PDE12: variants seen among roughly 807,000 people sequenced by gnomAD.
The protein encoded by PDE12 is phosphodiesterase 12.
In PDE12, 26 loss-of-function variants were observed where a neutral mutation model predicts 45.4. The observed-to-expected ratio is 0.57, with a 90% CI of 0.42 to 0.79. The LOEUF (loss-of-function observed/expected upper bound fraction) is 0.79. Ranked by LOEUF, PDE12 falls within the 30% of genes least tolerant of loss-of-function variation. PDE12 has a pLI of 0.00. For missense variants in PDE12, 668 were observed against 790.0 expected (o/e 0.85, Z 1.85); for synonymous variants, 283 against 323.9 (o/e 0.87, Z 1.36).
the PDE12 span, among the ~76,000 whole-genome samples, chr3:57,629,091 G>T: frequency 6.6e-6 from 1 of 152,152 alleles, no homozygotes; most frequent in Admixed American, 6.5e-5. Flanking sequence ...CAGAATAATT[G>T]TCTCATATTT....
the PDE12 span, among the ~76,000 whole-genome samples, chr3:57,601,740 CTTCT>C: frequency 1.5e-5 from 2 of 136,098 alleles, no homozygotes; most frequent in Non-Finnish European, 3.1e-5. Context: ...TTTTTCTTTC[CTTCT>C]TTTTTTTTTT....
the PDE12 span, among the ~76,000 whole-genome samples, chr3:57,619,081 G>A: frequency 6.6e-6 from 1 of 152,140 alleles, no homozygotes; most frequent in Non-Finnish European, 1.5e-5. Flanking sequence ...CGGGTGCAGT[G>A]GCTCACGCCT....
chr3:57,621,205 C>A, the PDE12 span, among the ~76,000 whole-genome samples: 1 of 152,112 alleles, frequency 6.6e-6, no homozygotes. Context: ...TACAACAAAG[C>A]CAATGCAACT....
the PDE12 span, among the ~76,000 whole-genome samples, chr3:57,619,973 C>T: frequency 6.6e-6 from 1 of 152,152 alleles, no homozygotes; most frequent in Admixed American, 6.5e-5. Flanking sequence ...CCTGTAATCC[C>T]AGCACTTTGG....
the PDE12 span, among the ~76,000 whole-genome samples, chr3:57,611,677 A>G: frequency 6.6e-6 from 1 of 152,226 alleles, no homozygotes. Context: ...AATCAAAACC[A>G]CAATGAGATA....
At chr3:57,580,374 T>C in the PDE12 span, among the ~76,000 whole-genome samples, 1 of 152,274 alleles carries the variant, frequency 6.6e-6, no homozygotes, top group East Asian at 1.9e-4. Flanking sequence ...TACTCCTTTT[T>C]AGAACCAAAC....
the PDE12 span, chr3:57,583,832 A>G: frequency 4.6e-6 from 5 of 1,085,442 alleles, no homozygotes; most frequent in Non-Finnish European, 6.9e-6. Context: ...AATACTAGAT[A>G]CTAATAAAAA....
chr3:57,573,933 GTTTT>G, the PDE12 span, among the ~76,000 whole-genome samples: 1 of 146,454 alleles, frequency 6.8e-6, no homozygotes, highest in Non-Finnish European at 1.5e-5. Flanking sequence ...GCAATAGGTT[GTTTT>G]TTTTTGTTTG....
the PDE12 span, among the ~76,000 whole-genome samples, chr3:57,572,928 C>T: frequency 6.6e-6 from 1 of 151,728 alleles, no homozygotes; most frequent in East Asian, 1.9e-4. Context: ...TTAGGCCGGG[C>T]GTGGTGGCTC....
the PDE12 span, among the ~76,000 whole-genome samples, chr3:57,613,975 C>T: frequency 6.6e-6 from 1 of 151,018 alleles, no homozygotes; most frequent in South Asian, 2.1e-4. Flanking sequence ...AAAGATATAC[C>T]CTGCTAACTA....
the PDE12 span, among the ~76,000 whole-genome samples, chr3:57,608,882 G>C: frequency 6.6e-6 from 1 of 152,148 alleles, no homozygotes; most frequent in Non-Finnish European, 1.5e-5. Context: ...TCTGCACCAA[G>C]TGGACCTAAT....
the PDE12 span, among the ~76,000 whole-genome samples, chr3:57,590,089 C>CAATA: frequency 0.28 from 37,827 of 134,902 alleles, 5,525 homozygotes; most frequent in South Asian, 0.34. Flanking sequence ...GACTCTGTCT[C>CAATA]AATAAATAAA....
the PDE12 span, among the ~76,000 whole-genome samples, chr3:57,573,025 A>T: frequency 4.0e-5 from 6 of 151,356 alleles, no homozygotes; most frequent in Non-Finnish European, 7.4e-5. Flanking sequence ...ACGCAGTGAA[A>T]CCCTGTCTCT....
downstream of PDE12, among the ~76,000 whole-genome samples, chr3:57,568,887 CAG>C (rs1298643508): frequency 1.3e-5 from 2 of 149,350 alleles, no homozygotes; most frequent in African/African-American, 2.5e-5. Flanking sequence ...GCTTATTGGA[CAG>C]GGGAACCAGA....
downstream of PDE12, among the ~76,000 whole-genome samples, chr3:57,570,876 A>G (rs2069834564): frequency 6.6e-6 from 1 of 152,176 alleles, no homozygotes; most frequent in African/African-American, 2.4e-5. Context: ...AACCTTAACT[A>G]AAAAACACAT....
chr3:57,598,958 A>G, the PDE12 span, among the ~76,000 whole-genome samples: 1 of 152,182 alleles, frequency 6.6e-6, no homozygotes, highest in South Asian at 2.1e-4. Context: ...CCAAAATATG[A>G]GACAGGCCTC....
downstream of PDE12, among the ~76,000 whole-genome samples, chr3:57,571,133 A>G (rs1310266168): frequency 6.6e-6 from 1 of 152,088 alleles, no homozygotes; most frequent in East Asian, 1.9e-4. Context: ...GTGAGCCACC[A>G]TGCCAGGCCC....
Position 57,557,492 on chromosome 3 carries a change from G to C in PDE12, c.1113G>C (p.Glu371Asp), listed in dbSNP as rs1161271188. The C allele has an allele frequency of 1.2e-6, 2 of 1,613,948 alleles. No individual in the cohort carries two copies. Among genetic ancestry groups the C allele is most frequent in the African/African-American group, 1.3e-5 (1 of 74,890 alleles). ...CCGCCCTAGAGGCCTTCGGGCTCGAGGGGGTGTTTCGAATCAAGCAGCACG... is the reference window on the plus strand; with the variant it reads ...CCGCCCTAGAGGCCTTCGGGCTCGACGGGGTGTTTCGAATCAAGCAGCACG... ...LVPALEAFGL[E>D]GVFRIKQHEG... is the part of the protein sequence containing the mutation. The change falls in exon 1 of 3, where the codon GAG becomes GAC. Residue 371 changes from glutamate to aspartate, a missense_variant. Physicochemically the swap from Glu to Asp is conservative, Grantham distance 45 (BLOSUM62 2). This residue lies in a region of PDE12 where 580 missense variants were observed against 662.9 expected (regional missense o/e 0.87). Coordinates refer to ENST00000311180, the MANE Select transcript of PDE12 (RefSeq NM_177966.7).
Position 57,559,910 on chromosome 3 carries a change from C to A in PDE12, c.1736C>A (p.Pro579His). ...ALEVEQVIPL[P>H]SHEEVTTHQA... ...GAGGTTGAACAGGTGATTCCATTAC[C>A]TAGTCATGAAGAAGTTACCACCCAC... Residue 579 changes from proline (P) to histidine (H), a missense_variant, in exon 3 of 3, where the codon CCT becomes CAT. Physicochemically the swap from Pro to His is moderately conservative, Grantham distance 77 (BLOSUM62 -2). Around this residue, in one of 3 missense-constraint regions of PDE12, gnomAD observed 79 missense variants for 97.9 expected, o/e 0.81. Coordinates refer to ENST00000311180, the MANE Select transcript of PDE12 (RefSeq NM_177966.7). 1 of 1,613,970 alleles carries A rather than the reference C, an allele frequency of 6.2e-7. No individual in the cohort carries two copies. The highest frequency in any genetic ancestry group is 8.5e-7 in the Non-Finnish European group (1 of 1,180,030).
Sources: allele counts gnomAD v4.1 joint callset (sites outside exome capture counted in the v4.1 genomes callset), GRCh38; gene constraint gnomAD v4.1.1; regional missense constraint gnomAD v4.1.1; transcripts MANE v1.5; gene names NCBI Gene and HGNC (gene_info 2026-07-23, HGNC 2026-07-21).